The following STUM variants were observed in gnomAD, a reference collection of about 807,000 sequenced individuals.
STUM encodes stum, mechanosensory transduction mediator homolog.
In STUM, 8 loss-of-function variants were observed where a neutral mutation model predicts 15.3. The observed-to-expected ratio is 0.52, with a 90% CI of 0.31 to 0.94. STUM has a LOEUF of 0.94. STUM is among the 40% of genes least tolerant of loss of function. STUM has a pLI of 0.05. For missense variants in STUM, 142 were observed against 204.9 expected, an observed-to-expected ratio of 0.69 and a Z score of 1.87; for synonymous variants, 78 against 88.7, an observed-to-expected ratio of 0.88 and a Z score of 0.68.
rs1668277532 is a variant in STUM at position 226,602,072 on chromosome 1, G to C, written c.*32G>C. The C allele has an allele frequency of 1.3e-6, 2 of 1,586,360 alleles. No homozygotes were observed. Among genetic ancestry groups the C allele is most frequent in the Non-Finnish European group, 1.7e-6 (2 of 1,165,622 alleles). ...GGGAGCCGCTGGGGAGATCCAGGGG[G>C]GCCCTGTGAGGGCTGCACCAGGCAG... On this transcript the variant is annotated 3_prime_UTR_variant, in exon 4 of 4. Transcript: ENST00000366788.
Position 226,585,751 on chromosome 1 carries a change from C to T in STUM, c.203-11051C>T, listed in dbSNP as rs372607913. On this transcript the variant is annotated intron_variant, in intron 1 of 3. Transcript: ENST00000366788. ...ACACTGAAGCACTCAGTAGGTACTT[C>T]GTAAGTGCCAGCTGAATACATGGAA... Among the ~76,000 whole-genome samples, 248 of 152,258 alleles carry T rather than the reference C, an allele frequency of 1.6e-3. 1 individual carries two copies. Among genetic ancestry groups the T allele is most frequent in the African/African-American group, 5.6e-3 (234 of 41,540 alleles).
At chr1:226,589,881 G>A (rs555685351) in intron 1 of STUM, among the ~76,000 whole-genome samples, 1 of 152,108 alleles carries the variant, frequency 6.6e-6, no homozygotes, top group African/African-American at 2.4e-5. Flanking sequence ...TTCTCGTTCT[G>A]TATCTGCCAG....
Position 226,567,225 on chromosome 1 carries a change from C to T in STUM, c.202+18119C>T, listed in dbSNP as rs966081263. On this transcript the variant is annotated intron_variant, in intron 1 of 3. Transcript: ENST00000366788. The surrounding 1 kb of genome is among the most constrained non-coding windows in gnomAD (Gnocchi z 4.5). The stretch of plus-strand genomic sequence containing the variant: ...ACCTGAAATCTCTTCCCGAGCCTTG[C>T]TTTCAAAAAGCCTTTGAAGACTGTC... 2.0e-5 allele frequency among the ~76,000 whole-genome samples: 3 copies of T among 152,212 alleles called. No homozygotes were observed. Among genetic ancestry groups the T allele is most frequent in the Non-Finnish European group, 2.9e-5 (2 of 68,038 alleles).
At chr1:226,577,340 C>A (rs896487113) in intron 1 of STUM, among the ~76,000 whole-genome samples, 2 of 150,898 alleles carry the variant, frequency 1.3e-5, no homozygotes, top group Non-Finnish European at 3.0e-5. Context: ...AAAAGCAAAG[C>A]AAACCCGGTT....
intron 1 of STUM, among the ~76,000 whole-genome samples, chr1:226,580,028 C>G (rs553955206): frequency 6.6e-6 from 1 of 152,310 alleles, no homozygotes; most frequent in African/African-American, 2.4e-5. Flanking sequence ...TGTGGGAGAC[C>G]TGTAAGGAGG....
intron 1 of STUM, among the ~76,000 whole-genome samples, chr1:226,590,093 C>A (rs1470795388): frequency 6.7e-6 from 1 of 149,672 alleles, no homozygotes; most frequent in African/African-American, 2.5e-5. Flanking sequence ...CCCTTCCCCC[C>A]ACCATCCCCT....
intron 1 of STUM, among the ~76,000 whole-genome samples, chr1:226,568,858 T>C (rs1162145524): frequency 2.0e-5 from 3 of 152,230 alleles, no homozygotes; most frequent in Non-Finnish European, 4.4e-5. Flanking sequence ...GGGTGGCCTC[T>C]CTTATTCTCT....
intron 1 of STUM, among the ~76,000 whole-genome samples, chr1:226,555,644 A>T (rs1317533179): frequency 6.6e-6 from 1 of 152,182 alleles, no homozygotes; most frequent in African/African-American, 2.4e-5. Context: ...GTAGCTTCCT[A>T]CATGGTCTGC....
At chr1:226,590,449 A>T (rs1413510318) in intron 1 of STUM, among the ~76,000 whole-genome samples, 1 of 151,682 alleles carries the variant, frequency 6.6e-6, no homozygotes, top group African/African-American at 2.4e-5. Flanking sequence ...TGTTTCTGGG[A>T]CGCCCTCCCC....
chr1:226,582,980 G>C (rs1240695752), intron 1 of STUM, among the ~76,000 whole-genome samples: 1 of 152,216 alleles, frequency 6.6e-6, no homozygotes, highest in Non-Finnish European at 1.5e-5. Flanking sequence ...CATTTCTTTG[G>C]TCAAGCTGGG....
intron 1 of STUM, among the ~76,000 whole-genome samples, chr1:226,550,733 G>A (rs1296010084): frequency 6.6e-6 from 1 of 152,106 alleles, no homozygotes; most frequent in Non-Finnish European, 1.5e-5. Flanking sequence ...ACCAGCCCCA[G>A]GAGACAGCAG....
chr1:226,559,139 C>T (rs551245294), intron 1 of STUM, among the ~76,000 whole-genome samples: 1 of 152,320 alleles, frequency 6.6e-6, no homozygotes, highest in East Asian at 1.9e-4. Flanking sequence ...GCCCTTGAAC[C>T]TGGAATTTGT....
At chr1:226,556,797 G>C (rs374999994) in intron 1 of STUM, among the ~76,000 whole-genome samples, 6 of 152,130 alleles carry the variant, frequency 3.9e-5, no homozygotes, top group Non-Finnish European at 7.3e-5. Flanking sequence ...GTCAGAACAG[G>C]TTATTGTTAC....
intron 1 of STUM, among the ~76,000 whole-genome samples, chr1:226,566,998 C>G (rs544545848): frequency 2.0e-5 from 3 of 152,172 alleles, no homozygotes; most frequent in African/African-American, 7.2e-5. Context: ...CTGCTTCCCG[C>G]AAATGCTGCA....
chr1:226,554,236 A>G (rs1243734585), intron 1 of STUM, among the ~76,000 whole-genome samples: 1 of 152,244 alleles, frequency 6.6e-6, no homozygotes, highest in Admixed American at 6.5e-5. Flanking sequence ...CAGAATAAAC[A>G]GCACATCAGA....
intron 1 of STUM, among the ~76,000 whole-genome samples, chr1:226,572,461 CT>C (rs753459073): frequency 3.3e-5 from 5 of 152,192 alleles, no homozygotes; most frequent in Admixed American, 2.0e-4. Flanking sequence ...GCTAACAGCC[CT>C]GTGCGGCTGG....
chr1:226,560,533 C>T (rs1219891942), intron 1 of STUM, among the ~76,000 whole-genome samples: 1 of 152,166 alleles, frequency 6.6e-6, no homozygotes, highest in African/African-American at 2.4e-5. Context: ...AAAACATTCT[C>T]AATGAAAATG....
At position 226,600,428 on chromosome 1, in the gene STUM, C is replaced by T. The variant is rs889200213; in HGVS notation, c.383-238C>T. 1.2e-4 allele frequency among the ~76,000 whole-genome samples: 18 copies of T among 152,254 alleles called. No individual in the cohort carries two copies. Among genetic ancestry groups the T allele is most frequent in the African/African-American group, 2.4e-5 (1 of 41,472 alleles). Reference sequence around the variant, plus strand: ...CGCTGTGCCCCTAGCCACACCCACACGCCTGGTGGGCAGACCACTGGCCAC... The same window carrying T: ...CGCTGTGCCCCTAGCCACACCCACATGCCTGGTGGGCAGACCACTGGCCAC... On this transcript the variant is annotated intron_variant, in intron 2 of 3. Coordinates refer to ENST00000366788, the MANE Select transcript of STUM (RefSeq NM_001003665.4). The surrounding 1 kb of genome is among the most constrained non-coding windows in gnomAD (Gnocchi z 5.2).
chr1:226,589,107 G>A (rs1368288674), intron 1 of STUM, among the ~76,000 whole-genome samples: 2 of 152,160 alleles, frequency 1.3e-5, no homozygotes, highest in Admixed American at 6.5e-5. Context: ...CAGCTGCTTC[G>A]GAAGACAGCT....
Sources: gnomAD v4.1 joint callset for allele counts (sites outside exome capture counted in the v4.1 genomes callset) on GRCh38, gnomAD v4.1.1 for gene constraint, Gnocchi (gnomAD v3.1) non-coding constraint, MANE v1.5 for transcripts, NCBI Gene and HGNC (gene_info 2026-07-23, HGNC 2026-07-21) for gene names.